NNT: variants seen among roughly 807,000 people sequenced by gnomAD.
NNT encodes NAD(P) transhydrogenase, mitochondrial.
Under a neutral mutation model 104.8 loss-of-function variants are expected in NNT, and 50 were observed. The observed-to-expected ratio is 0.48, with a 90% CI of 0.38 to 0.60. The LOEUF (loss-of-function observed/expected upper bound fraction) is 0.60. Among genes scored for constraint, NNT ranks in the 20% least tolerant of loss-of-function variants. The probability of loss-of-function intolerance (pLI) is 0.00; values close to 1 mark genes in which losing one functional copy is unlikely to be tolerated. For missense variants in NNT, 1,131 were observed against 1,330.7 expected (o/e 0.85, Z 2.33); for synonymous variants, 461 against 490.4 (o/e 0.94, Z 0.79).
Position 43,691,827 on chromosome 5 carries a change from G to A in NNT, c.2877-8292G>A, listed in dbSNP as rs190053007. Among the ~76,000 whole-genome samples the A allele has an allele frequency of 1.8e-3, 270 of 152,216 alleles. 3 individuals carry two copies. The highest frequency in any genetic ancestry group is 6.2e-3 in the South Asian group (30 of 4,816). On this transcript the variant is annotated intron_variant, in intron 19 of 21. Transcript: ENST00000344920. ...GCTAGGGCTCTAGAATTTAATTATA[G>A]GATCTCTGCCTTTGTTGGAGCACAA...
rs377029219 is a variant in NNT, at chr5:43,686,785, A to T, written c.2876+8979A>T. On this transcript the variant is annotated intron_variant, in intron 19 of 21. Coordinates refer to ENST00000344920, the MANE Select transcript of NNT (RefSeq NM_182977.3). ...CAGGTGTTGGCCTAAAGCACTTTGT[A>T]TGAAAAGCTTTTTATACAAACTACA... Among the ~76,000 whole-genome samples the T allele has an allele frequency of 8.5e-5, 13 of 152,142 alleles. No individual in the cohort carries two copies. The East Asian group carries it at 1.3e-3, about 16-fold the overall frequency.
At chr5:43,638,664 G>GT (rs371989090) in intron 7 of NNT, among the ~76,000 whole-genome samples, 38,462 of 133,658 alleles carry the variant, frequency 0.29, 5,805 homozygotes, top group Non-Finnish European at 0.37. Context: ...AGAAAGTTTT[G>GT]TTTTTTTTTT....
intron 10 of NNT, among the ~76,000 whole-genome samples, chr5:43,648,635 G>GT (rs1739585073): frequency 6.6e-6 from 1 of 152,096 alleles, no homozygotes. Context: ...TTTTGGGGAG[G>GT]TGCTGGAGTG....
chr5:43,632,316 TA>T (rs1750714170), intron 7 of NNT, among the ~76,000 whole-genome samples: 1 of 152,158 alleles, frequency 6.6e-6, no homozygotes, highest in Non-Finnish European at 1.5e-5. Flanking sequence ...AGCTAAGATT[TA>T]TAGACTGAGA....
At chr5:43,647,582 GAA>G (rs1431115454) in intron 10 of NNT, among the ~76,000 whole-genome samples, 6 of 152,276 alleles carry the variant, frequency 3.9e-5, no homozygotes, top group Admixed American at 1.3e-4. Context: ...ATTCTTCAAA[GAA>G]TGTGATTTGC....
rs151055450 is a variant in NNT at position 43,673,427 on chromosome 5, C to T, written c.2635-2084C>T. On this transcript the variant is annotated intron_variant, in intron 17 of 21. Transcript: ENST00000344920. ...CTTCCTATTCGGCCATCTTGGAACC[C>T]AATCCTCACTGGACTCTTTTTTTAA... is the stretch of plus-strand genomic sequence containing the variant. Among the ~76,000 whole-genome samples, 98 of 152,250 alleles carry T rather than the reference C, an allele frequency of 6.4e-4. No individual in the cohort carries two copies. The East Asian group carries it at 0.015, about 24-fold the overall frequency.
rs140869307 is a variant in NNT at position 43,703,805 on chromosome 5, T to C, written c.3112-450T>C. On this transcript the variant is annotated intron_variant, in intron 21 of 21. Coordinates refer to ENST00000344920, the MANE Select transcript of NNT (RefSeq NM_182977.3). ...GCTTTTGTTCTAGAACTTTCTGATA[T>C]ACTTTAAAGTCATAGAAAAGAATAA... Among the ~76,000 whole-genome samples the C allele has an allele frequency of 3.8e-3, 581 of 152,318 alleles. 8 individuals are homozygous for C. Among genetic ancestry groups the C allele is most frequent in the African/African-American group, 0.013 (553 of 41,590 alleles).
intron 17 of NNT, among the ~76,000 whole-genome samples, chr5:43,670,275 A>G (rs1224867274): frequency 6.6e-6 from 1 of 152,006 alleles, no homozygotes; most frequent in Non-Finnish European, 1.5e-5. Flanking sequence ...TTGTTTGACT[A>G]TCTCCTCCAG....
chr5:43,697,386 A>G (rs1027722688), intron 19 of NNT, among the ~76,000 whole-genome samples: 1 of 152,202 alleles, frequency 6.6e-6, no homozygotes, highest in Non-Finnish European at 1.5e-5. Flanking sequence ...TAACGTTATC[A>G]GCATTTTGAT....
At chr5:43,641,288 A>AT (rs1018129695) in intron 7 of NNT, among the ~76,000 whole-genome samples, 3 of 151,092 alleles carry the variant, frequency 2.0e-5, no homozygotes, top group Non-Finnish European at 4.4e-5. Flanking sequence ...TTTTGGCTTT[A>AT]TTTTTTTCCC....
intron 18 of NNT, among the ~76,000 whole-genome samples, chr5:43,677,444 G>C (rs1035875665): frequency 6.6e-6 from 1 of 151,862 alleles, no homozygotes; most frequent in African/African-American, 2.4e-5. Context: ...CAGAGAAAGA[G>C]ACAAGAGAGG....
intron 4 of NNT, among the ~76,000 whole-genome samples, chr5:43,618,125 A>G (rs951506201): frequency 1.3e-5 from 2 of 152,232 alleles, no homozygotes; most frequent in Non-Finnish European, 2.9e-5. Context: ...TAAAGAAAAG[A>G]TGATGCATAT....
chr5:43,693,922 G>A (rs1742419954), intron 19 of NNT, among the ~76,000 whole-genome samples: 1 of 152,132 alleles, frequency 6.6e-6, no homozygotes, highest in African/African-American at 2.4e-5. Flanking sequence ...TAATCTTAGA[G>A]TATTAATAGT....
In NNT at chr5:43,650,455, C is replaced by T. The variant is rs1486423045; in HGVS notation, c.1607-22C>T. 7 of 1,537,732 alleles carry T rather than the reference C, an allele frequency of 4.6e-6. No homozygotes were observed. In the South Asian group the frequency reaches 7.8e-5, roughly 17 times the overall value. ...TGGTGGTGTCACTATCACTATTAAC[C>T]ATGTTAATGCTTTCTTTCTAGGGCT... On this transcript the variant is annotated intron_variant, in intron 11 of 21. Coordinates refer to ENST00000344920, the MANE Select transcript of NNT (RefSeq NM_182977.3).
Position 43,704,463 on chromosome 5 carries a change from A to T in NNT, c.*59A>T, listed in dbSNP as rs1225304813. ...ACCTCTGCAGTTTTGGGAACAGGCA[A>T]ATAAAGTATCAGTATACATGGTGAT... is the stretch of plus-strand genomic sequence containing the variant. On this transcript the variant is annotated 3_prime_UTR_variant, in exon 22 of 22. Coordinates refer to ENST00000344920, the MANE Select transcript of NNT (RefSeq NM_182977.3). The T allele has an allele frequency of 1.2e-5, 19 of 1,563,766 alleles. No homozygotes were observed. The highest frequency in any genetic ancestry group is 2.7e-5 in the African/African-American group (2 of 73,762).
chr5:43,682,279 C>A (rs562658428), intron 19 of NNT, among the ~76,000 whole-genome samples: 1 of 135,626 alleles, frequency 7.4e-6, no homozygotes, highest in Non-Finnish European at 1.5e-5. Context: ...GGTGTGATCT[C>A]GGCTCACTGC....
chr5:43,665,359 T>C (rs1226750886), intron 17 of NNT, among the ~76,000 whole-genome samples: 1 of 151,946 alleles, frequency 6.6e-6, no homozygotes, highest in Admixed American at 6.6e-5. Context: ...GTCTCTGGTT[T>C]TCCTAGGCAG....
Position 43,656,749 on chromosome 5 carries a change from T to A in NNT, c.2390T>A (p.Val797Glu), listed in dbSNP as rs748651246. ...ASVGGIIPFM[V>E]DPSFTTGITC... ...GTGGGCGGGATAATCCCATTCATGG[T>A]GGACCCAAGCTTTACTACTGGCATC... Residue 797 changes from valine to glutamate, a missense_variant, in exon 16 of 22, where the codon GTG becomes GAG. Transcript: ENST00000344920. 7.7e-5 allele frequency: 124 copies of A among 1,614,050 alleles called. No individual in the cohort carries two copies. The highest frequency in any genetic ancestry group is 9.7e-5 in the Non-Finnish European group (114 of 1,180,034).
intron 17 of NNT, among the ~76,000 whole-genome samples, chr5:43,671,829 C>T (rs920862979): frequency 3.3e-5 from 5 of 152,098 alleles, no homozygotes; most frequent in African/African-American, 1.2e-4. Flanking sequence ...GAATGTTGGC[C>T]TGCCTTGCTA....
Sources: gnomAD v4.1 joint callset for allele counts (sites outside exome capture counted in the v4.1 genomes callset) on GRCh38, gnomAD v4.1.1 for gene constraint, MANE v1.5 for transcripts, NCBI Gene and HGNC (gene_info 2026-07-23, HGNC 2026-07-21) for gene names.